Variants in SLCO3A1 observed in about 807,000 individuals in gnomAD.
SLCO3A1 encodes solute carrier organic anion transporter family member 3A1.
In SLCO3A1, 27 loss-of-function variants were observed where a neutral mutation model predicts 63.1. The observed-to-expected ratio is 0.43, with a 90% CI of 0.32 to 0.59. SLCO3A1 has a LOEUF of 0.59. Among genes scored for constraint, SLCO3A1 ranks in the 20% least tolerant of loss-of-function variants. The pLI, the probability that SLCO3A1 is intolerant of heterozygous loss-of-function variation, is 0.09. For synonymous variants in SLCO3A1, 473 were observed against 409.9 expected (o/e 1.15, Z -1.86); for missense variants, 773 against 945.8 (o/e 0.82, Z 2.40).
chr15:92,062,092 A>C (rs939178121), intron 2 of SLCO3A1, among the ~76,000 whole-genome samples: 4 of 152,230 alleles, frequency 2.6e-5, no homozygotes, highest in Admixed American at 2.6e-4. Flanking sequence ...ATGAAGAGCA[A>C]ACCCTGAACA....
intron 9 of SLCO3A1, chr15:92,157,348 C>T (rs536127515): frequency 6.6e-6 from 1 of 152,176 alleles, no homozygotes; most frequent in Non-Finnish European, 1.5e-5. Flanking sequence ...ACACCACCAT[C>T]ATCAAGCTCC....
chr15:91,971,937 G>C (rs1302495352), intron 2 of SLCO3A1, among the ~76,000 whole-genome samples: 2 of 152,008 alleles, frequency 1.3e-5, no homozygotes, highest in Non-Finnish European at 2.9e-5. Context: ...TTGGATCTTG[G>C]ATTTTTTTTT....
At position 91,928,775 on chromosome 15, in the gene SLCO3A1, C is replaced by CA. The variant is rs532513886; in HGVS notation, c.646+12324dup. ...CTCATCAGATAAAGCATTGCTCCCACAAAAAAATCATGTGAGTTGTTTTCA... is the reference window on the plus strand; with the variant it reads ...CTCATCAGATAAAGCATTGCTCCCACAAAAAAAATCATGTGAGTTGTTTTCA... On this transcript the variant is annotated intron_variant, in intron 2 of 9. Transcript: ENST00000318445. Among the ~76,000 whole-genome samples, 17 of 152,232 alleles carry CA rather than the reference C, an allele frequency of 1.1e-4. No individual in the cohort carries two copies. In the South Asian group the frequency reaches 3.3e-3, roughly 30 times the overall value.
chr15:91,988,531 A>C lies in SLCO3A1; in HGVS notation c.646+72073A>C, dbSNP rs537313338. ...ATGGGATGGTTCAGCATGAGACACG[A>C]TAAAAAGGAAACGTGCAGATCAATT... On this transcript the variant is annotated intron_variant, in intron 2 of 9. Transcript: ENST00000318445. Among the ~76,000 whole-genome samples the C allele has an allele frequency of 7.1e-5, 10 of 141,658 alleles. No homozygotes were observed. In the East Asian group the frequency reaches 2.2e-3, roughly 31 times the overall value. 92.9% of individuals were successfully genotyped at this position (141,658 alleles called of 152,430 possible). A position where few individuals can be genotyped will look rare whatever the true frequency, so the allele number is the denominator to read the frequency against.
chr15:92,137,112 A>C (rs549990733), intron 7 of SLCO3A1, among the ~76,000 whole-genome samples: 3 of 144,446 alleles, frequency 2.1e-5, no homozygotes, highest in African/African-American at 5.4e-5. Flanking sequence ...TCCCAATGCT[A>C]TCCCTCCCCC....
intron 9 of SLCO3A1, chr15:92,157,179 C>T (rs7181257): frequency 0.19 from 28,419 of 152,158 alleles, 2,885 homozygotes; most frequent in Middle Eastern, 0.31. Context: ...GGTGGGTTCC[C>T]AGTGCCCCAG....
At chr15:91,981,832 A>T (rs2045991313) in intron 2 of SLCO3A1, among the ~76,000 whole-genome samples, 1 of 152,236 alleles carries the variant, frequency 6.6e-6, no homozygotes, top group Non-Finnish European at 1.5e-5. Context: ...CCCTGAGAAC[A>T]GACACAGTGC....
intron 2 of SLCO3A1, among the ~76,000 whole-genome samples, chr15:91,926,596 T>TGTGTGTGGGTGTGC: frequency 9.5e-6 from 1 of 105,256 alleles, no homozygotes; most frequent in African/African-American, 3.7e-5. Flanking sequence ...TGTGTGTGTG[T>TGTGTGTGGGTGTGC]GCGCGCGCGC....
intron 8 of SLCO3A1, chr15:92,148,770 A>G (rs941888906): frequency 6.6e-6 from 1 of 152,250 alleles, no homozygotes; most frequent in Non-Finnish European, 1.5e-5. Flanking sequence ...ACAAATTTTT[A>G]TTACAACGTT....
chr15:92,034,013 C>CTGGA (rs771191515), intron 2 of SLCO3A1, among the ~76,000 whole-genome samples: 55 of 151,860 alleles, frequency 3.6e-4, no homozygotes, highest in Non-Finnish European at 6.2e-4. Context: ...GTCCTGGTGA[C>CTGGA]CATTGGGCTG....
intron 2 of SLCO3A1, among the ~76,000 whole-genome samples, chr15:92,044,729 G>A (rs1258950888): frequency 6.6e-6 from 1 of 152,162 alleles, no homozygotes; most frequent in East Asian, 1.9e-4. Context: ...TCTGCCAACT[G>A]TTGCATCAAG....
At chr15:91,873,565 C>CACAT (rs56731507) in intron 1 of SLCO3A1, among the ~76,000 whole-genome samples, 1 of 138,654 alleles carries the variant, frequency 7.2e-6, no homozygotes, top group African/African-American at 2.8e-5. Context: ...CACACACACA[C>CACAT]ATACATACAT....
At chr15:92,053,486 G>C (rs755086767) in intron 2 of SLCO3A1, among the ~76,000 whole-genome samples, 1 of 151,916 alleles carries the variant, frequency 6.6e-6, no homozygotes, top group Non-Finnish European at 1.5e-5. Context: ...GTAGTTTTTC[G>C]CTAATATCAT....
At chr15:92,045,362 G>A (rs1304124439) in intron 2 of SLCO3A1, among the ~76,000 whole-genome samples, 1 of 151,432 alleles carries the variant, frequency 6.6e-6, no homozygotes, top group Non-Finnish European at 1.5e-5. Context: ...ATACACAAGA[G>A]ATAAAAATCA....
chr15:92,170,770 C>A (rs1050466049), downstream of SLCO3A1: 1 of 152,274 alleles, frequency 6.6e-6, no homozygotes, highest in African/African-American at 2.4e-5. Flanking sequence ...ATGTTGGAAA[C>A]CTTTCAAAAC....
At chr15:91,889,180 T>C (rs747034347) in intron 1 of SLCO3A1, 48 of 1,286,402 alleles carry the variant, frequency 3.7e-5, no homozygotes, top group Non-Finnish European at 4.7e-5. Flanking sequence ...GTCATAACAC[T>C]GGAGATGCAT....
At chr15:92,100,265 C>T (rs1596101075) in intron 3 of SLCO3A1, among the ~76,000 whole-genome samples, 1 of 152,150 alleles carries the variant, frequency 6.6e-6, no homozygotes. Context: ...AGACTTCCCT[C>T]CGAATGAAAT....
chr15:91,869,048 G>A (rs1458964044), intron 1 of SLCO3A1, among the ~76,000 whole-genome samples: 1 of 152,144 alleles, frequency 6.6e-6, no homozygotes, highest in Non-Finnish European at 1.5e-5. Flanking sequence ...GGTGGGGTTT[G>A]AGAAGTGACC....
At chr15:92,156,643 C>T (rs2048374853) in intron 9 of SLCO3A1, among the ~76,000 whole-genome samples, 1 of 152,228 alleles carries the variant, frequency 6.6e-6, no homozygotes, top group Non-Finnish European at 1.5e-5. Flanking sequence ...TCTTTCTTGG[C>T]ATTGCTGAAG....
Sources: allele counts gnomAD v4.1 joint callset (sites outside exome capture counted in the v4.1 genomes callset), GRCh38; gene constraint gnomAD v4.1.1; transcripts MANE v1.5; gene names NCBI Gene and HGNC (gene_info 2026-07-23, HGNC 2026-07-21).